The following POU2F3 variants were observed in gnomAD, a reference collection of about 807,000 sequenced individuals.
The protein encoded by POU2F3 is POU domain, class 2, transcription factor 3.
In POU2F3, 23 loss-of-function variants were observed where a neutral mutation model predicts 59.2. The ratio of observed to expected loss-of-function variants is 0.39; its 90% CI spans 0.28 to 0.55. The LOEUF is 0.55. Among genes scored for constraint, POU2F3 ranks in the 20% least tolerant of loss-of-function variants. The pLI, the probability that POU2F3 is intolerant of heterozygous loss-of-function variation, is 0.66. For synonymous variants in POU2F3, 190 were observed against 214.6 expected (o/e 0.89, Z 1.00); for missense variants, 473 against 544.5 (o/e 0.87, Z 1.31).
At chr11:120,280,633 AGAG>A (rs2135231636) in intron 3 of POU2F3, among the ~76,000 whole-genome samples, 1 of 128,444 alleles carries the variant, frequency 7.8e-6, no homozygotes, top group African/African-American at 3.9e-5. Flanking sequence ...AGAGAGAAAA[AGAG>A]AGAGAGAGAG....
intron 3 of POU2F3, among the ~76,000 whole-genome samples, chr11:120,288,156 A>AAAAAAAG (rs1940878944): frequency 6.6e-6 from 1 of 150,856 alleles, no homozygotes; most frequent in Non-Finnish European, 1.5e-5. Flanking sequence ...AAACAAGAAA[A>AAAAAAAG]AAGGGCAGTC....
At chr11:120,242,281 C>G (rs925868839) in intron 1 of POU2F3, among the ~76,000 whole-genome samples, 17 of 152,274 alleles carry the variant, frequency 1.1e-4, no homozygotes, top group African/African-American at 3.4e-4. Flanking sequence ...TTAGAGGGCT[C>G]TCTTTGCTGG....
chr11:120,274,115 GGAAGGA>G, intron 3 of POU2F3, among the ~76,000 whole-genome samples: 1 of 104,044 alleles, frequency 9.6e-6, no homozygotes, highest in East Asian at 2.9e-4. Flanking sequence ...AAGAAAGGAA[GGAAGGA>G]AGGAAGGAAG....
chr11:120,279,721 G>A (rs1941408), intron 3 of POU2F3, among the ~76,000 whole-genome samples: 38,522 of 152,150 alleles, frequency 0.25, 5,528 homozygotes, highest in African/African-American at 0.37. Flanking sequence ...AGCAGCCCCA[G>A]TACTGGGTGG....
chr11:120,277,175 C>T (rs1940368041), intron 3 of POU2F3, among the ~76,000 whole-genome samples: 1 of 152,158 alleles, frequency 6.6e-6, no homozygotes, highest in Non-Finnish European at 1.5e-5. Flanking sequence ...CCTGTAATCC[C>T]AGCTACTTGG....
intron 7 of POU2F3, 30 bp from the exon 8 acceptor site, chr11:120,305,614 A>C: frequency 6.2e-7 from 1 of 1,610,564 alleles, no homozygotes; most frequent in Non-Finnish European, 8.5e-7. Flanking sequence ...GCTGCCTCTC[A>C]TGTTCCTCCC....
chr11:120,250,077 G>A (rs1239365220), intron 2 of POU2F3: 2 of 152,192 alleles, frequency 1.3e-5, no homozygotes, highest in Non-Finnish European at 2.9e-5. Flanking sequence ...GAATTTTAAA[G>A]GATGTGTGCC....
At chr11:120,266,737 C>T (rs555094518) in intron 2 of POU2F3, among the ~76,000 whole-genome samples, 4 of 152,308 alleles carry the variant, frequency 2.6e-5, no homozygotes, top group Non-Finnish European at 5.9e-5. Flanking sequence ...GCCTCAGATA[C>T]TCTCTACCGC....
At chr11:120,239,150 A>G (rs1314480318), upstream of POU2F3, among the ~76,000 whole-genome samples, 1 of 152,226 alleles carries the variant, frequency 6.6e-6, no homozygotes. Context: ...AAAGTAGCCC[A>G]TGGGACTAAG....
chr11:120,236,709 T>A, upstream of POU2F3: 1 of 1,488,852 alleles, frequency 6.7e-7, no homozygotes, highest in South Asian at 1.2e-5. Flanking sequence ...GAGGAAGGGG[T>A]AAAGGAGTTC....
chr11:120,299,569 G>A lies in POU2F3; in HGVS notation c.259-55G>A, dbSNP rs185206906. On this transcript the variant is annotated intron_variant, in intron 4 of 12. Coordinates refer to ENST00000543440, the MANE Select transcript of POU2F3 (RefSeq NM_014352.4). ...GACGGACGAGTGGCAGGCAGATGGG[G>A]CTGATGTCCCCAGCTTGTAAATTCT... The A allele has an allele frequency of 2.6e-4, 402 of 1,522,630 alleles. No homozygotes were observed. The African/African-American group carries it at 4.9e-3, about 19-fold the overall frequency. 94.3% of individuals were successfully genotyped at this position (1,522,630 alleles called of 1,614,324 possible).
intron 10 of POU2F3, among the ~76,000 whole-genome samples, chr11:120,313,150 T>C (rs1941693510): frequency 1.3e-5 from 2 of 152,258 alleles, no homozygotes; most frequent in South Asian, 4.1e-4. Context: ...TCTTTAAAGA[T>C]TGGGCTTTGT....
chr11:120,251,155 G>T (rs1939080440), intron 2 of POU2F3, among the ~76,000 whole-genome samples: 1 of 152,110 alleles, frequency 6.6e-6, no homozygotes, highest in Non-Finnish European at 1.5e-5. Flanking sequence ...TTATCTCTTT[G>T]TAGAGCCAGG....
intron 8 of POU2F3, among the ~76,000 whole-genome samples, chr11:120,306,191 G>C (rs1204407303): frequency 6.6e-6 from 1 of 152,162 alleles, no homozygotes; most frequent in Non-Finnish European, 1.5e-5. Context: ...GGGAGGGGGA[G>C]ACCACAGGCA....
At chr11:120,239,040 G>A (rs190029437), upstream of POU2F3, among the ~76,000 whole-genome samples, 278 of 152,208 alleles carry the variant, frequency 1.8e-3, no homozygotes, top group African/African-American at 5.8e-3. Flanking sequence ...TGTTATCGTG[G>A]GCATGACTGG....
chr11:120,236,645 T>C, upstream of POU2F3: 2 of 1,475,748 alleles, frequency 1.4e-6, no homozygotes, highest in South Asian at 2.4e-5. Flanking sequence ...TCTATCTCAC[T>C]CCAGCCCAGA....
At chr11:120,272,438 G>T (rs1416135571) in intron 3 of POU2F3, among the ~76,000 whole-genome samples, 1 of 152,204 alleles carries the variant, frequency 6.6e-6, no homozygotes, top group African/African-American at 2.4e-5. Context: ...GACTAACTGG[G>T]AGGAAATGGG....
In POU2F3 at chr11:120,302,414, C is replaced by T. The variant is rs767194805; in HGVS notation, c.444+46C>T. ...TGTTTCCTCTAGGAATGTCTCAGCT[C>T]TCACTGAGTTTAACTCACTGGTTTC... On this transcript the variant is annotated intron_variant, in intron 6 of 12. Coordinates refer to ENST00000543440, the MANE Select transcript of POU2F3 (RefSeq NM_014352.4). 6 of 1,521,788 alleles carry T rather than the reference C, an allele frequency of 3.9e-6. No individual in the cohort carries two copies. In the East Asian group the frequency reaches 1.4e-4, roughly 34 times the overall value. The allele number at this position is 1,521,788 out of a possible 1,614,324, so 94.3% of individuals were successfully genotyped here. A position where few individuals can be genotyped will look rare whatever the true frequency, so the allele number is the denominator to read the frequency against.
chr11:120,305,298 G>A (rs776439619), intron 7 of POU2F3, 86 bp downstream of exon 7: 3 of 1,460,980 alleles, frequency 2.1e-6, no homozygotes, highest in African/African-American at 2.8e-5. Context: ...AGAGCGACCA[G>A]AGGCTCGATG....
Sources: gnomAD v4.1 joint callset for allele counts (sites outside exome capture counted in the v4.1 genomes callset) on GRCh38, gnomAD v4.1.1 for gene constraint, MANE v1.5 for transcripts, NCBI Gene and HGNC (gene_info 2026-07-23, HGNC 2026-07-21) for gene names.